The following PRPF8 variants were observed in gnomAD, a reference collection of about 807,000 sequenced individuals.
PRPF8 encodes pre-mRNA-processing-splicing factor 8.
A neutral mutation model predicts 285.9 loss-of-function variants in PRPF8; 64 were observed. The ratio of observed to expected loss-of-function variants is 0.22; its 90% CI spans 0.18 to 0.28. PRPF8 has a LOEUF of 0.28. Among genes scored for constraint, PRPF8 ranks in the 10% least tolerant of loss-of-function variants. PRPF8 has a pLI of 1.00. For missense variants in PRPF8, 1,426 were observed against 3,026.7 expected (o/e 0.47, Z 12.41); for synonymous variants, 1,325 against 1,118.2 (o/e 1.18, Z -3.69).
rs1912545561 is a variant in PRPF8 at position 1,675,146 on chromosome 17, A to G, written c.3060+6T>C. The G allele has an allele frequency of 3.7e-6, 6 of 1,613,022 alleles. No individual in the cohort carries two copies. The highest frequency in any genetic ancestry group is 5.1e-6 in the Non-Finnish European group (6 of 1,180,020). On this transcript the variant is annotated splice_donor_region_variant and intron_variant, in intron 20 of 42. Coordinates refer to ENST00000304992, the MANE Select transcript of PRPF8 (RefSeq NM_006445.4). The surrounding 1 kb of genome is among the most constrained non-coding windows in gnomAD (Gnocchi z 6.0). ...ACAATTCCATGCTACTGCGCCTGAG[A>G]CGCACCTTATAGTTGATGACGACGT...
chr17:1,664,879 C>G (rs1482870079), intron 24 of PRPF8, among the ~76,000 whole-genome samples: 4 of 151,890 alleles, frequency 2.6e-5, no homozygotes, highest in African/African-American at 9.7e-5. Context: ...GGAATGGGGC[C>G]GGGCACGATG....
At chr17:1,681,128 G>A in intron 6 of PRPF8, 74 bp from the exon 7 acceptor site, 2 of 1,474,886 alleles carry the variant, frequency 1.4e-6, no homozygotes, top group Non-Finnish European at 1.9e-6. Context: ...ACCCAAGCTG[G>A]AATGCAATGG....
chr17:1,656,276 G>A (rs1403388437), intron 36 of PRPF8, 116 bp downstream of exon 36: 2 of 1,311,618 alleles, frequency 1.5e-6, no homozygotes, highest in Non-Finnish European at 2.2e-6. Flanking sequence ...AGTCAACAGA[G>A]TTCCCACCCA....
At position 1,675,561 on chromosome 17, in the gene PRPF8, T is replaced by C. The variant is rs1179070001; in HGVS notation, c.2872+59A>G. The C allele has an allele frequency of 2.5e-6, 4 of 1,604,340 alleles. No homozygotes were observed. Among genetic ancestry groups the C allele is most frequent in the East Asian group, 2.2e-5 (1 of 44,856 alleles). On this transcript the variant is annotated intron_variant, in intron 19 of 42. Coordinates refer to ENST00000304992, the MANE Select transcript of PRPF8 (RefSeq NM_006445.4). This position sits in a 1 kb window ranked among gnomAD's most constrained non-coding sequence, Gnocchi z 6.0. ...CAATCATGCTACCCAGATGAGATTT[T>C]TGACGTAGAACTAAATTCCTGCCCC...
chr17:1,663,764 G>C (rs1911804438), intron 24 of PRPF8, among the ~76,000 whole-genome samples: 1 of 141,560 alleles, frequency 7.1e-6, no homozygotes, highest in Non-Finnish European at 1.5e-5. Context: ...CTGTCTATAG[G>C]AAATAAACTT....
Position 1,660,474 on chromosome 17 carries a change from C to T in PRPF8, c.4743G>A (p.Leu1581=), listed in dbSNP as rs1342794916. Residue 1581 remains leucine, a synonymous_variant, in exon 30 of 43, where the codon TTG becomes TTA. Coordinates refer to ENST00000304992, the MANE Select transcript of PRPF8 (RefSeq NM_006445.4). ...ISLIQIFRAH[L]WQKIHESIVM... is the part of the protein sequence containing the mutation. Reference sequence around the variant, plus strand: ...CAATGCTCTCATGGATCTTCTGCCACAAGTGAGCTCGGAAGATCTGGATGA... The same window carrying T: ...CAATGCTCTCATGGATCTTCTGCCATAAGTGAGCTCGGAAGATCTGGATGA... 3 of 1,614,114 alleles carry T rather than the reference C, an allele frequency of 1.9e-6. No individual in the cohort carries two copies. The highest frequency in any genetic ancestry group is 2.7e-5 in the African/African-American group (2 of 74,928).
chr17:1,684,822 A>G lies in PRPF8; in HGVS notation c.-54T>C, dbSNP rs1029450209. 4.0e-5 allele frequency: 24 copies of G among 597,658 alleles called. No individual in the cohort carries two copies. The East Asian group carries it at 5.3e-4, about 13-fold the overall frequency. 37.0% of individuals were successfully genotyped at this position (597,658 alleles called of 1,614,324 possible). A position where few individuals can be genotyped will look rare whatever the true frequency, so the allele number is the denominator to read the frequency against. ...AAGAGGCCGCTTTCCCCGCAGCGCA[A>G]TGGCGGCCAGACTGCGTCCGCTCCG... is the stretch of plus-strand genomic sequence containing the variant. On this transcript the variant is annotated 5_prime_UTR_variant, in exon 1 of 43. Coordinates refer to ENST00000304992, the MANE Select transcript of PRPF8 (RefSeq NM_006445.4).
chr17:1,677,795 A>G (rs1912683520), intron 13 of PRPF8, 101 bp from the exon 14 acceptor site: 124 of 1,466,960 alleles, frequency 8.5e-5, no homozygotes, highest in Non-Finnish European at 1.1e-4. Context: ...ATATACATAC[A>G]GAGGAATGTA....
At position 1,678,845 on chromosome 17, in the gene PRPF8, G is replaced by A. The variant is rs766987702; in HGVS notation, c.1636C>T (p.Leu546=). 6.2e-7 allele frequency: 1 copy of A among 1,614,176 alleles called. No individual in the cohort carries two copies. Among genetic ancestry groups the A allele is most frequent in the Non-Finnish European group, 8.5e-7 (1 of 1,180,040 alleles). The change falls in exon 12 of 43, where the codon CTG becomes TTG. Residue 546 remains leucine (L), a synonymous_variant. Transcript: ENST00000304992. Reference sequence around the variant, plus strand: ...GTCAAACGCAGAACTTCCCGACACAGGTGGAAAGCATTCCCAAAACGAGAT... The same window carrying A: ...GTCAAACGCAGAACTTCCCGACACAAGTGGAAAGCATTCCCAAAACGAGAT... ...KKSRFGNAFH[L]CREVLRLTKL...
rs140393132 is a variant in PRPF8 at position 1,683,427 on chromosome 17, T to G, written c.269+106A>C. The G allele has an allele frequency of 3.9e-5, 51 of 1,291,194 alleles. No homozygotes were observed. In the Middle Eastern group the frequency reaches 5.6e-4, roughly 14 times the overall value. The allele number at this position is 1,291,194 out of a possible 1,614,324, so 80.0% of individuals were successfully genotyped here. On this transcript the variant is annotated intron_variant, in intron 3 of 42. Transcript: ENST00000304992. Reference sequence around the variant, plus strand: ...ACTCCTACTGGTTTTCTCCTTTCTCTTATATCCACCAAGATGAGCTGTCAA... The same window carrying G: ...ACTCCTACTGGTTTTCTCCTTTCTCGTATATCCACCAAGATGAGCTGTCAA...
rs1485891018 is a variant in PRPF8, at chr17:1,651,663, C to G, written c.6495G>C (p.Gln2165His). Reference protein sequence around the residue: ...QTVHLPGQLPQHEYLKEMEPL... With the variant: ...QTVHLPGQLPHHEYLKEMEPL... ...TCCCCATTACCTTGAGGTACTCATG[C>G]TGGGGCAGCTGGCCAGGCAGGTGCA... The change falls in exon 40 of 43, where the codon CAG becomes CAC. Residue 2165 changes from glutamine (Q) to histidine (H), a missense_variant. Coordinates refer to ENST00000304992, the MANE Select transcript of PRPF8 (RefSeq NM_006445.4). This position sits in a 1 kb window ranked among gnomAD's most constrained non-coding sequence, Gnocchi z 5.1. 1 of 1,614,084 alleles carries G rather than the reference C, an allele frequency of 6.2e-7. No individual in the cohort carries two copies. The highest frequency in any genetic ancestry group is 2.2e-5 in the East Asian group (1 of 44,896).
chr17:1,680,236 T>A (rs375190014), intron 8 of PRPF8, among the ~76,000 whole-genome samples: 10 of 152,326 alleles, frequency 6.6e-5, no homozygotes, highest in African/African-American at 1.9e-4. Context: ...AATAGCCAAA[T>A]CTATAGACAG....
At chr17:1,660,130 A>G (rs1597231713) in intron 30 of PRPF8, 129 bp from the exon 31 acceptor site, 1 of 1,196,452 alleles carries the variant, frequency 8.4e-7, no homozygotes, top group East Asian at 2.3e-5. Flanking sequence ...CCCATATGCA[A>G]AAGAGCAAGC....
chr17:1,681,028 T>C lies in PRPF8; in HGVS notation c.893A>G (p.Asp298Gly), dbSNP rs1206576504. The C allele has an allele frequency of 6.2e-7, 1 of 1,613,394 alleles. No homozygotes were observed. Among genetic ancestry groups the C allele is most frequent in the African/African-American group, 1.3e-5 (1 of 74,860 alleles). ...LQDEDWNEFNDINKIIIRQPI... is the reference protein window; with the variant it reads ...LQDEDWNEFNGINKIIIRQPI... ...CTGCCGGATGATAATCTTGTTAATA[T>C]CATTGAATTCATTCCAGTCTTCATC... The change falls in exon 7 of 43, where the codon GAT becomes GGT. Residue 298 changes from aspartate (D) to glycine (G), a missense_variant. Physicochemically the swap from Asp to Gly is moderately conservative, Grantham distance 94. Coordinates refer to ENST00000304992, the MANE Select transcript of PRPF8 (RefSeq NM_006445.4).
At chr17:1,670,569 C>G (rs1488052790) in intron 24 of PRPF8, among the ~76,000 whole-genome samples, 1 of 151,914 alleles carries the variant, frequency 6.6e-6, no homozygotes, top group Non-Finnish European at 1.5e-5. Context: ...TCACTGCAAC[C>G]TCCGCCTCCC....
chr17:1,670,964 G>C lies in PRPF8; in HGVS notation c.3774+2117C>G, dbSNP rs150664683. Among the ~76,000 whole-genome samples, 33 of 151,612 alleles carry C rather than the reference G, an allele frequency of 2.2e-4. No individual in the cohort carries two copies. The East Asian group carries it at 5.8e-3, about 27-fold the overall frequency. ...AAAAAAAAAGAAGAAAAACACATCTGACAAAGTCACTCTGTGCTTAAGACC... is the reference window on the plus strand; with the variant it reads ...AAAAAAAAAGAAGAAAAACACATCTCACAAAGTCACTCTGTGCTTAAGACC... On this transcript the variant is annotated intron_variant, in intron 24 of 42. Coordinates refer to ENST00000304992, the MANE Select transcript of PRPF8 (RefSeq NM_006445.4).
At position 1,653,305 on chromosome 17, in the gene PRPF8, C is replaced by G; in HGVS notation, c.6369+237G>C. 2 of 628,046 alleles carry G rather than the reference C, an allele frequency of 3.2e-6. No homozygotes were observed. The highest frequency in any genetic ancestry group is 4.2e-4 in the Middle Eastern group (1 of 2,362). The allele number at this position is 628,046 out of a possible 1,614,324, so 38.9% of individuals were successfully genotyped here. A position where few individuals can be genotyped will look rare whatever the true frequency, so the allele number is the denominator to read the frequency against. On this transcript the variant is annotated intron_variant, in intron 39 of 42. Coordinates refer to ENST00000304992, the MANE Select transcript of PRPF8 (RefSeq NM_006445.4). This position sits in a 1 kb window ranked among gnomAD's most constrained non-coding sequence, Gnocchi z 4.9. Reference sequence around the variant, plus strand: ...GTCAGGAATTTGTTTCTGACCATATCTGTTCTCTTCCAAATACTATCAGGC... The same window carrying G: ...GTCAGGAATTTGTTTCTGACCATATGTGTTCTCTTCCAAATACTATCAGGC...
chr17:1,662,492 G>A (rs956513676), intron 24 of PRPF8, among the ~76,000 whole-genome samples: 1 of 152,092 alleles, frequency 6.6e-6, no homozygotes, highest in African/African-American at 2.4e-5. Flanking sequence ...AGAAGGCTGA[G>A]GCAAGAGAAT....
rs775342416 is a variant in PRPF8, at chr17:1,673,335, C to T, written c.3657+22G>A. The T allele has an allele frequency of 4.3e-6, 7 of 1,613,554 alleles. No individual in the cohort carries two copies. The highest frequency in any genetic ancestry group is 5.9e-6 in the Non-Finnish European group (7 of 1,179,836). On this transcript the variant is annotated intron_variant, in intron 23 of 42. Transcript: ENST00000304992. The surrounding 1 kb of genome is among the most constrained non-coding windows in gnomAD (Gnocchi z 5.5). ...GAAGTGCAGGCGCGTTCATGTCACTCCCAGCCCCGCCCAGGCTGTACCTCA... is the reference window on the plus strand; with the variant it reads ...GAAGTGCAGGCGCGTTCATGTCACTTCCAGCCCCGCCCAGGCTGTACCTCA...
Sources: allele counts gnomAD v4.1 joint callset (sites outside exome capture counted in the v4.1 genomes callset), GRCh38; gene constraint gnomAD v4.1.1; non-coding constraint Gnocchi (gnomAD v3.1); transcripts MANE v1.5; gene names NCBI Gene and HGNC (gene_info 2026-07-23, HGNC 2026-07-21).